PRKAG2: variants seen among roughly 807,000 people sequenced by gnomAD.
The protein encoded by PRKAG2 is 5'-AMP-activated protein kinase subunit gamma-2.
Under a neutral mutation model 69.6 loss-of-function variants are expected in PRKAG2, and 26 were observed. The observed-to-expected ratio is 0.37, with a 90% CI of 0.27 to 0.52. The LOEUF (loss-of-function observed/expected upper bound fraction) is 0.52, where lower values mean the gene tolerates loss of function less well. Ranked by LOEUF, PRKAG2 falls within the 20% of genes least tolerant of loss-of-function variation. The pLI is 0.90. For synonymous variants in PRKAG2, 293 were observed against 285.0 expected (o/e 1.03, Z -0.28); for missense variants, 557 against 740.0 (o/e 0.75, Z 2.87).
At chr7:151,705,364 C>T (rs527750787) in intron 3 of PRKAG2, among the ~76,000 whole-genome samples, 70 of 152,244 alleles carry the variant, frequency 4.6e-4, no homozygotes, top group African/African-American at 1.5e-3. Context: ...AAAACACACA[C>T]ACAGATGTAC....
chr7:151,749,786 GAA>G (rs34229915), intron 3 of PRKAG2, among the ~76,000 whole-genome samples: 7 of 124,844 alleles, frequency 5.6e-5, no homozygotes, highest in Admixed American at 8.2e-5. Flanking sequence ...CAACCACACT[GAA>G]AAAAAAAAAA....
chr7:151,702,165 G>A (rs952274284), intron 3 of PRKAG2, among the ~76,000 whole-genome samples: 2 of 152,232 alleles, frequency 1.3e-5, no homozygotes, highest in South Asian at 2.1e-4. Flanking sequence ...CGGGGAGTTC[G>A]ATTGGAGGGT....
At chr7:151,812,795 T>C (rs985048150) in intron 1 of PRKAG2, among the ~76,000 whole-genome samples, 2 of 152,168 alleles carry the variant, frequency 1.3e-5, no homozygotes, top group Non-Finnish European at 2.9e-5. Flanking sequence ...GGCTTCTCTT[T>C]CCAGCTGAAT....
At chr7:151,751,193 G>T (rs1435717551) in intron 3 of PRKAG2, among the ~76,000 whole-genome samples, 3 of 151,222 alleles carry the variant, frequency 2.0e-5, no homozygotes, top group African/African-American at 7.3e-5. Flanking sequence ...TGCCTCCCAG[G>T]TTCATGCTAT....
chr7:151,678,783 A>G (rs1833364247), intron 3 of PRKAG2, among the ~76,000 whole-genome samples: 3 of 152,034 alleles, frequency 2.0e-5, no homozygotes, highest in Admixed American at 2.0e-4. Context: ...ACATGGCAAA[A>G]CCCCATCTCT....
At chr7:151,792,678 G>A (rs1020239577) in intron 1 of PRKAG2, among the ~76,000 whole-genome samples, 1 of 152,234 alleles carries the variant, frequency 6.6e-6, no homozygotes, top group African/African-American at 2.4e-5. Flanking sequence ...AGTAGCAGGG[G>A]CCCACGATGG....
intron 3 of PRKAG2, among the ~76,000 whole-genome samples, chr7:151,694,947 C>A (rs1836349857): frequency 6.6e-6 from 1 of 152,264 alleles, no homozygotes; most frequent in African/African-American, 2.4e-5. Flanking sequence ...TCAGCCTGTG[C>A]CCATGCCTGT....
At chr7:151,624,573 C>T (rs900616692) in intron 5 of PRKAG2, among the ~76,000 whole-genome samples, 1 of 152,146 alleles carries the variant, frequency 6.6e-6, no homozygotes, top group Non-Finnish European at 1.5e-5. Context: ...CTCTGTTCCC[C>T]CTAACCTTAG....
intron 1 of PRKAG2, among the ~76,000 whole-genome samples, chr7:151,863,881 A>G (rs11771399): frequency 0.49 from 73,648 of 149,608 alleles, 18,388 homozygotes; most frequent in South Asian, 0.58. Flanking sequence ...TCCAGCCTGG[A>G]CTACAGAGCA....
intron 3 of PRKAG2, among the ~76,000 whole-genome samples, chr7:151,766,961 G>A (rs190848781): frequency 4.6e-5 from 7 of 152,274 alleles, no homozygotes; most frequent in East Asian, 1.9e-4. Context: ...ACCTCCAAAC[G>A]TGACCTCATG....
At chr7:151,770,347 C>A (rs2075963114) in intron 3 of PRKAG2, among the ~76,000 whole-genome samples, 3 of 152,238 alleles carry the variant, frequency 2.0e-5, no homozygotes. Flanking sequence ...CCAGCGTGAA[C>A]ATGGATGCAT....
intron 1 of PRKAG2, among the ~76,000 whole-genome samples, chr7:151,821,893 G>A (rs190440538): frequency 1.8e-4 from 28 of 152,228 alleles, no homozygotes; most frequent in South Asian, 4.1e-4. Flanking sequence ...GATTAAATCC[G>A]TATGTATGTA....
In PRKAG2 at chr7:151,632,276, G is replaced by T; in HGVS notation, c.685-138C>A. The T allele has an allele frequency of 9.9e-7, 1 of 1,007,468 alleles. No individual in the cohort carries two copies. The allele number at this position is 1,007,468 out of a possible 1,614,324, so 62.4% of individuals were successfully genotyped here. The stretch of plus-strand genomic sequence containing the variant: ...AGGGGCCTGGCAGGGGACGCGGGCA[G>T]CGGGGGCCGGGGGCGGAGCGGGAGC... On this transcript the variant is annotated intron_variant, in intron 4 of 15. Coordinates refer to ENST00000287878, the MANE Select transcript of PRKAG2 (RefSeq NM_016203.4). The surrounding 1 kb of genome is among the most constrained non-coding windows in gnomAD (Gnocchi z 4.2).
At chr7:151,751,172 A>G (rs1004221904) in intron 3 of PRKAG2, among the ~76,000 whole-genome samples, 3 of 146,216 alleles carry the variant, frequency 2.1e-5, no homozygotes, top group Non-Finnish European at 3.0e-5. Flanking sequence ...ATCTCAGCTC[A>G]CTGCAAGCTC....
At chr7:151,608,923 C>T (rs1818144843) in intron 5 of PRKAG2, among the ~76,000 whole-genome samples, 1 of 151,648 alleles carries the variant, frequency 6.6e-6, no homozygotes, top group African/African-American at 2.4e-5. Context: ...TGGGGTCGCA[C>T]ACTATGTTGC....
At chr7:151,857,357 G>T (rs1432873335) in intron 1 of PRKAG2, among the ~76,000 whole-genome samples, 1 of 151,402 alleles carries the variant, frequency 6.6e-6, no homozygotes, top group African/African-American at 2.4e-5. Context: ...GCCTGTGAGA[G>T]GGGGCTGTGC....
rs775756069 is a variant in PRKAG2, at chr7:151,781,259, C to A, written c.359G>T (p.Arg120Leu). ...GCGGAAGATCCCACTGAAGCTCATG[C>A]GTCGAGGGGAGCGTGGCGGGGACTC... ...YQESPPRSPRRMSFSGIFRSS... is the reference protein window; with the variant it reads ...YQESPPRSPRLMSFSGIFRSS... Residue 120 changes from arginine (R) to leucine (L), a missense_variant, in exon 3 of 16, where the codon CGC (arginine) becomes CTC (leucine). Around this residue, in one of 2 missense-constraint regions of PRKAG2, gnomAD observed 352 missense variants for 356.7 expected, o/e 0.99. Transcript: ENST00000287878. This position sits in a 1 kb window ranked among gnomAD's most constrained non-coding sequence, Gnocchi z 6.1. The A allele has an allele frequency of 1.9e-6, 3 of 1,613,900 alleles. No individual in the cohort carries two copies. Among genetic ancestry groups the A allele is most frequent in the African/African-American group, 2.7e-5 (2 of 74,900 alleles).
chr7:151,648,121 A>G (rs1163582790), intron 4 of PRKAG2, among the ~76,000 whole-genome samples: 1 of 150,050 alleles, frequency 6.7e-6, no homozygotes, highest in Non-Finnish European at 1.5e-5. Context: ...GGCGGAGAGG[A>G]GGGGTGGGTG....
intron 1 of PRKAG2, among the ~76,000 whole-genome samples, chr7:151,855,415 T>TGCTCCACACACACCGCCCTCCACAC (rs2079730982): frequency 8.0e-5 from 1 of 12,508 alleles, no homozygotes; most frequent in Non-Finnish European, 1.4e-4. Flanking sequence ...ACCCTCCACA[T>TGCTCCACACACACCGCCCTCCACAC]ACACCATGCT....
Sources: allele counts gnomAD v4.1 joint callset (sites outside exome capture counted in the v4.1 genomes callset), GRCh38; gene constraint gnomAD v4.1.1; regional missense constraint gnomAD v4.1.1; non-coding constraint Gnocchi (gnomAD v3.1); transcripts MANE v1.5; gene names NCBI Gene and HGNC (gene_info 2026-07-23, HGNC 2026-07-21).